Variants in PPTC7 observed in about 807,000 individuals in gnomAD.
PPTC7 encodes protein phosphatase PTC7 homolog.
In PPTC7, 6 loss-of-function variants were observed where a neutral mutation model predicts 30.8. The ratio of observed to expected loss-of-function variants is 0.19; its 90% CI spans 0.11 to 0.38. The LOEUF is 0.38. Among genes scored for constraint, PPTC7 ranks in the 10% least tolerant of loss-of-function variants. The pLI is 1.00. For synonymous variants in PPTC7, 163 were observed against 168.1 expected, an observed-to-expected ratio of 0.97 and a Z score of 0.23; for missense variants, 218 against 404.8, an observed-to-expected ratio of 0.54 and a Z score of 3.96.
At chr12:110,569,042 C>G (rs373309856) in intron 1 of PPTC7, among the ~76,000 whole-genome samples, 1 of 123,470 alleles carries the variant, frequency 8.1e-6, no homozygotes, top group African/African-American at 3.0e-5. Flanking sequence ...GCCCCCCCCC[C>G]TCAAAAAAAG....
In PPTC7 at chr12:110,549,374, T is replaced by TA. The variant is rs796318491; in HGVS notation, c.403+2414dup. Among the ~76,000 whole-genome samples, 1,151 of 147,362 alleles carry TA rather than the reference T, an allele frequency of 7.8e-3. 17 individuals carry two copies. The highest frequency in any genetic ancestry group is 0.021 in the African/African-American group (868 of 40,536). On this transcript the variant is annotated intron_variant, in intron 2 of 5. Transcript: ENST00000354300. ...GTAGGCTTTTTAGCAGTTGCTGGAT[T>TA]AAAAAAAAAAAATTACCTAACTAAC...
intron 1 of PPTC7, among the ~76,000 whole-genome samples, chr12:110,577,218 G>A (rs2064597332): frequency 6.8e-6 from 1 of 147,748 alleles, no homozygotes; most frequent in African/African-American, 2.5e-5. Flanking sequence ...GCTATCAACA[G>A]GTAGATGATG....
At chr12:110,559,880 G>A (rs1464231049) in intron 1 of PPTC7, among the ~76,000 whole-genome samples, 3 of 152,010 alleles carry the variant, frequency 2.0e-5, no homozygotes, top group Non-Finnish European at 4.4e-5. Flanking sequence ...CTACAGGCAT[G>A]TGCCACCATA....
Position 110,536,185 on chromosome 12 carries a change from A to G in PPTC7, c.*852T>C, listed in dbSNP as rs2064217151. On this transcript the variant is annotated 3_prime_UTR_variant, in exon 6 of 6. Transcript: ENST00000354300. The stretch of plus-strand genomic sequence containing the variant: ...TAGAGTTCCCATTCAGGGGCATTCT[A>G]TCAGACAACTAGGAGGAATTTCAGC... The G allele has an allele frequency of 1.3e-5, 2 of 152,230 alleles. No homozygotes were observed. The allele number at this position is 152,230 out of a possible 1,614,324, so 9.4% of individuals were successfully genotyped here.
intron 1 of PPTC7, among the ~76,000 whole-genome samples, chr12:110,579,026 G>A (rs1329339865): frequency 6.6e-6 from 1 of 152,130 alleles, no homozygotes; most frequent in Non-Finnish European, 1.5e-5. Flanking sequence ...GCACATGCCT[G>A]TAGTCCCAGC....
At chr12:110,550,747 G>C (rs2064344148) in intron 2 of PPTC7, among the ~76,000 whole-genome samples, 1 of 152,110 alleles carries the variant, frequency 6.6e-6, no homozygotes, top group South Asian at 2.1e-4. Context: ...TAAATACTTG[G>C]TTTTAAGTTT....
chr12:110,543,477 CAGGTCAA>C (rs1446777628), intron 3 of PPTC7, among the ~76,000 whole-genome samples: 1 of 151,072 alleles, frequency 6.6e-6, no homozygotes, highest in African/African-American at 2.4e-5. Flanking sequence ...TGGGGGAAAT[CAGGTCAA>C]TTCTTTCTGT....
At position 110,561,668 on chromosome 12, in the gene PPTC7, C is replaced by T. The variant is rs181767259; in HGVS notation, c.224-9700G>A. 2.8e-3 allele frequency among the ~76,000 whole-genome samples: 423 copies of T among 152,178 alleles called. 1 individual carries two copies. The highest frequency in any genetic ancestry group is 4.5e-3 in the Non-Finnish European group (305 of 67,984). ...CCTCAACTATTTGGGCACTTAAGAA[C>T]GCTCCCGACGGGGTGCAGTGGCTCA... On this transcript the variant is annotated intron_variant, in intron 1 of 5. Coordinates refer to ENST00000354300, the MANE Select transcript of PPTC7 (RefSeq NM_139283.2).
At position 110,548,464 on chromosome 12, in the gene PPTC7, T is replaced by A. The variant is rs936190274; in HGVS notation, c.404-2386A>T. ...GTGTCAACGAAAAGCAAAGCACGGG[T>A]ACTGTAACTCACTGGTAGTGCTGTC... On this transcript the variant is annotated intron_variant, in intron 2 of 5. Transcript: ENST00000354300. Among the ~76,000 whole-genome samples, 74 of 152,188 alleles carry A rather than the reference T, an allele frequency of 4.9e-4. 1 individual carries two copies. The highest frequency in any genetic ancestry group is 4.6e-4 in the Non-Finnish European group (31 of 68,036).
intron 1 of PPTC7, among the ~76,000 whole-genome samples, chr12:110,573,545 T>C (rs1007990304): frequency 6.6e-6 from 1 of 152,214 alleles, no homozygotes; most frequent in African/African-American, 2.4e-5. Flanking sequence ...TTTAATAACA[T>C]GTATACAATT....
At chr12:110,569,959 A>T (rs1258076779) in intron 1 of PPTC7, among the ~76,000 whole-genome samples, 1 of 152,220 alleles carries the variant, frequency 6.6e-6, no homozygotes, top group African/African-American at 2.4e-5. Flanking sequence ...AAATCCTAAT[A>T]AAAGAATAAA....
chr12:110,564,061 C>T (rs981877191), intron 1 of PPTC7, among the ~76,000 whole-genome samples: 10 of 152,180 alleles, frequency 6.6e-5, no homozygotes, highest in African/African-American at 2.4e-4. Context: ...GTGCAAATTA[C>T]AAACTTGGTA....
At chr12:110,574,273 GA>G (rs2064568758) in intron 1 of PPTC7, among the ~76,000 whole-genome samples, 1 of 150,644 alleles carries the variant, frequency 6.6e-6, no homozygotes, top group African/African-American at 2.4e-5. Flanking sequence ...TATAGATGAG[GA>G]AACAGATTCA....
At chr12:110,578,779 C>T (rs1219134057) in intron 1 of PPTC7, among the ~76,000 whole-genome samples, 1 of 152,208 alleles carries the variant, frequency 6.6e-6, no homozygotes, top group East Asian at 1.9e-4. Flanking sequence ...TATTACTCAA[C>T]ATAGCCTTTT....
intron 1 of PPTC7, among the ~76,000 whole-genome samples, chr12:110,578,497 T>C (rs183744274): frequency 2.0e-5 from 3 of 152,310 alleles, no homozygotes; most frequent in Admixed American, 6.5e-5. Context: ...CGAAATACAG[T>C]GGGGACTATA....
chr12:110,563,934 C>T (rs913697213), intron 1 of PPTC7, among the ~76,000 whole-genome samples: 1 of 152,184 alleles, frequency 6.6e-6, no homozygotes, highest in African/African-American at 2.4e-5. Flanking sequence ...GGCAAAGAAA[C>T]TTAAAGTCAT....
chr12:110,553,417 T>C (rs558803911), intron 1 of PPTC7, among the ~76,000 whole-genome samples: 1 of 151,946 alleles, frequency 6.6e-6, no homozygotes, highest in Admixed American at 6.5e-5. Context: ...GTTCTGGGAT[T>C]ACAGGCATGA....
At chr12:110,545,463 A>T (rs1040549846) in intron 3 of PPTC7, among the ~76,000 whole-genome samples, 3 of 152,230 alleles carry the variant, frequency 2.0e-5, no homozygotes, top group African/African-American at 7.2e-5. Context: ...CTAGAGAATC[A>T]GGAAGTTACT....
chr12:110,555,986 G>A (rs4766500), intron 1 of PPTC7, among the ~76,000 whole-genome samples: 85,443 of 152,010 alleles, frequency 0.56, 26,004 homozygotes, highest in East Asian at 0.91. Context: ...TTCTTCTTAA[G>A]TAGTCTCTGG....
Sources: gnomAD v4.1 joint callset for allele counts (sites outside exome capture counted in the v4.1 genomes callset) on GRCh38, gnomAD v4.1.1 for gene constraint, MANE v1.5 for transcripts, NCBI Gene and HGNC (gene_info 2026-07-23, HGNC 2026-07-21) for gene names.